MYRIP: variants seen among roughly 807,000 people sequenced by gnomAD.
MYRIP encodes the protein myosin VIIA and Rab interacting protein.
A neutral mutation model predicts 98.0 loss-of-function variants in MYRIP; 49 were observed. That is an observed-to-expected ratio of 0.50 (90% CI 0.40 to 0.63). The LOEUF (loss-of-function observed/expected upper bound fraction) is 0.63, where lower values mean the gene tolerates loss of function less well. MYRIP is among the 30% of genes least tolerant of loss of function. MYRIP has a pLI of 0.00. For missense variants in MYRIP, 1,004 were observed against 1,058.2 expected (o/e 0.95, Z 0.71); for synonymous variants, 404 against 409.5 (o/e 0.99, Z 0.16).
intron 2 of MYRIP, among the ~76,000 whole-genome samples, chr3:39,975,746 A>G (rs1332358307): frequency 6.6e-6 from 1 of 152,210 alleles, no homozygotes; most frequent in African/African-American, 2.4e-5. Flanking sequence ...ATAATGCCAC[A>G]AAGCTACAAC....
intron 2 of MYRIP, among the ~76,000 whole-genome samples, chr3:39,953,616 G>T (rs1320033356): frequency 6.6e-6 from 1 of 152,156 alleles, no homozygotes; most frequent in Non-Finnish European, 1.5e-5. Context: ...CAGTGTGAGC[G>T]ACACAGAAGA....
At chr3:40,230,878 G>T (rs1952634449) in intron 11 of MYRIP, among the ~76,000 whole-genome samples, 1 of 151,164 alleles carries the variant, frequency 6.6e-6, no homozygotes, top group African/African-American at 2.4e-5. Flanking sequence ...CCAGGCTGGA[G>T]TGCAATGGCG....
In MYRIP at chr3:40,027,678, C is replaced by T. The variant is rs375502514; in HGVS notation, c.111-16372C>T. ...TGTTTAATTATTTATCATCTGAATT[C>T]CTACCTTAATGCACATTTTATGAAG... On this transcript the variant is annotated intron_variant, in intron 2 of 16. Coordinates refer to ENST00000302541, the MANE Select transcript of MYRIP (RefSeq NM_015460.4). 2.6e-5 allele frequency among the ~76,000 whole-genome samples: 4 copies of T among 152,128 alleles called. No homozygotes were observed. In the South Asian group the frequency reaches 6.2e-4, roughly 24 times the overall value.
At chr3:40,188,841 C>T (rs944866755) in intron 9 of MYRIP, among the ~76,000 whole-genome samples, 2 of 152,052 alleles carry the variant, frequency 1.3e-5, no homozygotes, top group South Asian at 2.1e-4. Flanking sequence ...GGGCCAAGTA[C>T]GAATAGCTAA....
At chr3:40,200,590 T>C (rs1035361649) in intron 10 of MYRIP, among the ~76,000 whole-genome samples, 1 of 152,200 alleles carries the variant, frequency 6.6e-6, no homozygotes. Context: ...AGGTAGATAT[T>C]AAATAGCAGG....
At chr3:40,239,555 C>T (rs1952932116) in intron 12 of MYRIP, among the ~76,000 whole-genome samples, 5 of 134,192 alleles carry the variant, frequency 3.7e-5, no homozygotes, top group African/African-American at 6.6e-5. Context: ...TTCTCCACAT[C>T]CTCTCCAGCA....
At chr3:39,874,611 G>T (rs1942917230) in intron 1 of MYRIP, among the ~76,000 whole-genome samples, 1 of 152,136 alleles carries the variant, frequency 6.6e-6, no homozygotes, top group Non-Finnish European at 1.5e-5. Context: ...TGCGGTTTTT[G>T]TCTTTGGTTC....
At chr3:40,006,593 C>T (rs4676552) in intron 2 of MYRIP, among the ~76,000 whole-genome samples, 121,508 of 152,054 alleles carry the variant, frequency 0.8, 51,604 homozygotes, top group Non-Finnish European at 0.94. Flanking sequence ...GACCATTAAC[C>T]GAGCCTCAGA....
At chr3:40,084,474 A>T (rs1948563930) in intron 3 of MYRIP, among the ~76,000 whole-genome samples, 1 of 43,734 alleles carries the variant, frequency 2.3e-5, no homozygotes, top group Admixed American at 3.0e-4. Flanking sequence ...ACATCTATGT[A>T]TTATCTATCG....
intron 1 of MYRIP, among the ~76,000 whole-genome samples, chr3:39,865,444 T>C (rs938752621): frequency 2.0e-5 from 3 of 152,052 alleles, no homozygotes; most frequent in African/African-American, 7.2e-5. Flanking sequence ...TGGTCTAAAA[T>C]CCAGCATCTA....
chr3:39,824,210 T>C (rs1352636799), intron 1 of MYRIP, among the ~76,000 whole-genome samples: 1 of 152,166 alleles, frequency 6.6e-6, no homozygotes, highest in Admixed American at 6.5e-5. Flanking sequence ...CACTTGTCTA[T>C]GTGTTTGTTT....
intron 2 of MYRIP, among the ~76,000 whole-genome samples, chr3:40,015,523 G>A (rs956829808): frequency 2.0e-5 from 3 of 152,208 alleles, no homozygotes; most frequent in African/African-American, 7.2e-5. Context: ...GTCATAGCAG[G>A]GCAATGCCAG....
At chr3:39,946,994 T>C (rs1944918211) in intron 2 of MYRIP, among the ~76,000 whole-genome samples, 1 of 152,132 alleles carries the variant, frequency 6.6e-6, no homozygotes, top group African/African-American at 2.4e-5. Flanking sequence ...TGGGACAAAG[T>C]AGGATTTTAA....
intron 2 of MYRIP, among the ~76,000 whole-genome samples, chr3:39,907,845 T>C (rs1333365050): frequency 6.6e-6 from 1 of 152,156 alleles, no homozygotes; most frequent in East Asian, 1.9e-4. Flanking sequence ...TCGTCTGCCA[T>C]TGGGCCTCTC....
At chr3:40,137,246 C>G (rs1949798851) in intron 3 of MYRIP, among the ~76,000 whole-genome samples, 1 of 152,202 alleles carries the variant, frequency 6.6e-6, no homozygotes, top group African/African-American at 2.4e-5. Flanking sequence ...TCAGAGAATA[C>G]TATTAACACC....
intron 3 of MYRIP, chr3:40,071,094 A>G: frequency 3.1e-6 from 3 of 972,810 alleles, no homozygotes; most frequent in Non-Finnish European, 3.7e-6. Flanking sequence ...GGTAGGGAAG[A>G]AAGCACAGGA....
intron 3 of MYRIP, among the ~76,000 whole-genome samples, chr3:40,069,349 A>C (rs1948179819): frequency 6.6e-6 from 1 of 151,708 alleles, no homozygotes; most frequent in African/African-American, 2.4e-5. Context: ...AAAAATTCAC[A>C]ACAGATTCTA....
At position 40,084,855 on chromosome 3, in the gene MYRIP, C is replaced by T. The variant is rs1283914873; in HGVS notation, c.332+40584C>T. Among the ~76,000 whole-genome samples, 95 of 36,884 alleles carry T rather than the reference C, an allele frequency of 2.6e-3. 1 individual carries two copies. The highest frequency in any genetic ancestry group is 3.8e-3 in the Non-Finnish European group (67 of 17,534). The allele number at this position is 36,884 out of a possible 152,430, so 24.2% of individuals were successfully genotyped here. ...TAATATATATCTATGTGTTACATGT[C>T]GATAGATAATATATATCTATGTGTT... On this transcript the variant is annotated intron_variant, in intron 3 of 16. Coordinates refer to ENST00000302541, the MANE Select transcript of MYRIP (RefSeq NM_015460.4).
intron 13 of MYRIP, among the ~76,000 whole-genome samples, chr3:40,244,944 T>C (rs1489338746): frequency 6.6e-6 from 1 of 152,248 alleles, no homozygotes; most frequent in Non-Finnish European, 1.5e-5. Context: ...CTTGTCACAC[T>C]GTTGATTACT....
Sources: gnomAD v4.1 joint callset for allele counts (sites outside exome capture counted in the v4.1 genomes callset) on GRCh38, gnomAD v4.1.1 for gene constraint, MANE v1.5 for transcripts, NCBI Gene and HGNC (gene_info 2026-07-23, HGNC 2026-07-21) for gene names.